The following TCERG1 variants were observed in gnomAD, a reference collection of about 807,000 sequenced individuals.
TCERG1 encodes transcription elongation regulator 1.
Under a neutral mutation model 144.7 loss-of-function variants are expected in TCERG1, and 37 were observed. The observed-to-expected ratio is 0.26, with a 90% CI of 0.20 to 0.34. The LOEUF is 0.34. TCERG1 is among the 10% of genes least tolerant of loss of function. TCERG1 has a pLI of 1.00. For missense variants in TCERG1, 1,027 were observed against 1,380.7 expected (o/e 0.74, Z 4.06); for synonymous variants, 492 against 458.2 (o/e 1.07, Z -0.94).
At chr5:146,508,855 T>C (rs1234242454) in intron 21 of TCERG1, among the ~76,000 whole-genome samples, 3 of 152,254 alleles carry the variant, frequency 2.0e-5, no homozygotes, top group Non-Finnish European at 4.4e-5. Flanking sequence ...AAGATTGAAG[T>C]AGATGATCCT....
chr5:146,503,840 A>G lies in TCERG1; in HGVS notation c.2615A>G (p.Lys872Arg). The G allele has an allele frequency of 6.3e-7, 1 of 1,587,986 alleles. No individual in the cohort carries two copies. The highest frequency in any genetic ancestry group is 8.5e-7 in the Non-Finnish European group (1 of 1,173,456). The change falls in exon 19 of 23, where the codon AAA (lysine) becomes AGA (arginine). Residue 872 changes from lysine to arginine, a missense_variant. By Grantham distance (26) the Lys-to-Arg change is conservative (BLOSUM62 2). Transcript: ENST00000679501. ...CTTTTACAGAATTTAGACTCAGAAAAAGAAAAGGAGCTTGAAAGGCAAGCC... is the reference window on the plus strand; with the variant it reads ...CTTTTACAGAATTTAGACTCAGAAAGAGAAAAGGAGCTTGAAAGGCAAGCC... ...EKIAKNLDSE[K>R]EKELERQARI...
chr5:146,450,125 G>T (rs1045006625), intron 1 of TCERG1, among the ~76,000 whole-genome samples: 6 of 152,082 alleles, frequency 3.9e-5, no homozygotes, highest in Admixed American at 6.5e-5. Flanking sequence ...TATACTAAAG[G>T]GAACTATATA....
At chr5:146,505,485 C>T (rs564338778) in intron 19 of TCERG1, 2 of 39,658 alleles carry the variant, frequency 5.0e-5, no homozygotes, top group African/African-American at 2.2e-4. Flanking sequence ...TTGCTTTCTT[C>T]ATTGTTCCTT....
chr5:146,478,911 T>C (rs1250091547), intron 10 of TCERG1, among the ~76,000 whole-genome samples: 4 of 152,194 alleles, frequency 2.6e-5, no homozygotes, highest in Non-Finnish European at 5.9e-5. Context: ...GTCCAAGATA[T>C]GGTTGGTAGT....
rs1353630636 is a variant in TCERG1 at position 146,507,332 on chromosome 5, A to ATTT, written c.2961+125_2961+126insTTT. 3.4e-6 allele frequency: 3 copies of ATTT among 884,224 alleles called. No individual in the cohort carries two copies. In the African/African-American group the frequency reaches 5.3e-5, roughly 15 times the overall value. 54.8% of individuals were successfully genotyped at this position (884,224 alleles called of 1,614,324 possible). On this transcript the variant is annotated intron_variant, in intron 20 of 22. Transcript: ENST00000679501. The surrounding 1 kb of genome is among the most constrained non-coding windows in gnomAD (Gnocchi z 4.6). ...ATTCATTACTGGAATGCATCTTATGACAATTCTCTGATTTTAAAAAATTAT... is the reference window on the plus strand; with the variant it reads ...ATTCATTACTGGAATGCATCTTATGATTTCAATTCTCTGATTTTAAAAAATTAT...
At chr5:146,467,071 A>G (rs1763858278) in intron 5 of TCERG1, among the ~76,000 whole-genome samples, 1 of 152,226 alleles carries the variant, frequency 6.6e-6, no homozygotes, top group African/African-American at 2.4e-5. Context: ...ACTTTATTCA[A>G]CATGCTTTCA....
intron 12 of TCERG1, 22 bp from the exon 13 acceptor site, chr5:146,481,128 G>A (rs1765332281): frequency 2.0e-6 from 2 of 984,186 alleles, no homozygotes; most frequent in Non-Finnish European, 1.2e-6. Flanking sequence ...AACTCTGTAA[G>A]GTTTTTAACT....
chr5:146,461,106 A>G (rs773960847), intron 4 of TCERG1, among the ~76,000 whole-genome samples: 2 of 152,208 alleles, frequency 1.3e-5, no homozygotes, highest in Non-Finnish European at 2.9e-5. Context: ...TACTATATAT[A>G]GTCCATGTCT....
chr5:146,474,374 C>A (rs995508924), intron 9 of TCERG1, among the ~76,000 whole-genome samples: 1 of 152,170 alleles, frequency 6.6e-6, no homozygotes, highest in Non-Finnish European at 1.5e-5. Flanking sequence ...TCAGGAGTTG[C>A]TTCTTATGTA....
rs1767716980 is a variant in TCERG1 at position 146,504,024 on chromosome 5, A to G, written c.2781+18A>G. ...CTGACATGGTATACGTTAATCTTTT[A>G]CTTTTTTTCTCTAAAGTACTGGATA... On this transcript the variant is annotated intron_variant, in intron 19 of 22. Coordinates refer to ENST00000679501, the MANE Select transcript of TCERG1 (RefSeq NM_001382548.1). The G allele has an allele frequency of 6.7e-7, 1 of 1,495,010 alleles. No individual in the cohort carries two copies. The highest frequency in any genetic ancestry group is 2.4e-5 in the Admixed American group (1 of 42,462). The allele number at this position is 1,495,010 out of a possible 1,614,324, so 92.6% of individuals were successfully genotyped here.
At position 146,464,786 on chromosome 5, in the gene TCERG1, T is replaced by C. The variant is rs371211150; in HGVS notation, c.1135+993T>C. On this transcript the variant is annotated intron_variant, in intron 5 of 22. Transcript: ENST00000679501. ...CCATCCACTTATTGCTACTTTCTTATACTCCTTTCTGTGTAAGAATACAGT... is the reference window on the plus strand; with the variant it reads ...CCATCCACTTATTGCTACTTTCTTACACTCCTTTCTGTGTAAGAATACAGT... Among the ~76,000 whole-genome samples, 7 of 152,320 alleles carry C rather than the reference T, an allele frequency of 4.6e-5. No homozygotes were observed. In the East Asian group the frequency reaches 9.7e-4, roughly 21 times the overall value.
intron 19 of TCERG1, among the ~76,000 whole-genome samples, chr5:146,506,218 G>C (rs10057848): frequency 0.27 from 40,730 of 152,002 alleles, 6,648 homozygotes; most frequent in East Asian, 0.84. Context: ...TTGTATTTTT[G>C]TTTTCTTACC....
At chr5:146,488,653 A>G (rs1019424916) in intron 15 of TCERG1, among the ~76,000 whole-genome samples, 1 of 152,192 alleles carries the variant, frequency 6.6e-6, no homozygotes, top group Non-Finnish European at 1.5e-5. Context: ...TCCACTATGG[A>G]AAACAGTATG....
At position 146,455,137 on chromosome 5, in the gene TCERG1, G is replaced by A; in HGVS notation, c.141G>A (p.Met47Ile). ...TGATGCGAGGCCCACCACCTCTGAT[G>A]CGACCTCCTCCACCTTTTGGTATGA... ...NAVMRGPPPL[M>I]RPPPPFGMMR... The change falls in exon 2 of 23, where the codon ATG becomes ATA. Residue 47 changes from methionine (M) to isoleucine (I), a missense_variant. Physicochemically the swap from Met to Ile is conservative, Grantham distance 10. Around this residue, in one of 6 missense-constraint regions of TCERG1, gnomAD observed 175 missense variants for 197.0 expected, o/e 0.89. Coordinates refer to ENST00000679501, the MANE Select transcript of TCERG1 (RefSeq NM_001382548.1). 1 of 1,614,106 alleles carries A rather than the reference G, an allele frequency of 6.2e-7. No individual in the cohort carries two copies. Among genetic ancestry groups the A allele is most frequent in the Admixed American group, 1.7e-5 (1 of 60,018 alleles).
chr5:146,510,656 T>C lies in TCERG1; in HGVS notation c.*14T>C, dbSNP rs1329813171. 1.9e-6 allele frequency: 3 copies of C among 1,604,524 alleles called. No homozygotes were observed. Among genetic ancestry groups the C allele is most frequent in the Admixed American group, 3.4e-5 (2 of 58,116 alleles). On this transcript the variant is annotated 3_prime_UTR_variant, in exon 23 of 23. Coordinates refer to ENST00000679501, the MANE Select transcript of TCERG1 (RefSeq NM_001382548.1). ...TCAACAAAATAATTCTAAATACTCT[T>C]CCATAGGGGCATCTATTCAAAATGC... is the stretch of plus-strand genomic sequence containing the variant.
In TCERG1 at chr5:146,447,342, C is replaced by G. The variant is rs940263571; in HGVS notation, c.-8C>G. 6.2e-7 allele frequency: 1 copy of G among 1,611,860 alleles called. No individual in the cohort carries two copies. The highest frequency in any genetic ancestry group is 1.1e-5 in the South Asian group (1 of 90,846). ...GGGTCGGCGGGTGGATGAACGCGGC[C>G]CTCTGTAATGGCGGAGCGTGGCGGG... On this transcript the variant is annotated 5_prime_UTR_variant, in exon 1 of 23. Coordinates refer to ENST00000679501, the MANE Select transcript of TCERG1 (RefSeq NM_001382548.1).
intron 9 of TCERG1, among the ~76,000 whole-genome samples, chr5:146,477,003 A>T (rs1056487579): frequency 6.6e-6 from 1 of 152,060 alleles, no homozygotes; most frequent in African/African-American, 2.4e-5. Flanking sequence ...GCTTCGAGTG[A>T]TCCTCGCACC....
chr5:146,450,798 T>C (rs142964223), intron 1 of TCERG1, among the ~76,000 whole-genome samples: 198 of 152,344 alleles, frequency 1.3e-3, no homozygotes, highest in Non-Finnish European at 2.4e-3. Flanking sequence ...AATAATGAAA[T>C]GCCTTTTACA....
chr5:146,470,273 G>A (rs1490264030), intron 7 of TCERG1, among the ~76,000 whole-genome samples: 2 of 152,130 alleles, frequency 1.3e-5, no homozygotes, highest in Non-Finnish European at 2.9e-5. Context: ...AGGTAGCTGA[G>A]GATTATAGGT....
Sources: gnomAD v4.1 joint callset for allele counts (sites outside exome capture counted in the v4.1 genomes callset) on GRCh38, gnomAD v4.1.1 for gene constraint, gnomAD v4.1.1 regional missense constraint, Gnocchi (gnomAD v3.1) non-coding constraint, MANE v1.5 for transcripts, NCBI Gene and HGNC (gene_info 2026-07-23, HGNC 2026-07-21) for gene names.